The following NPAS3 variants were observed in gnomAD, a reference collection of about 807,000 sequenced individuals.
NPAS3 encodes the protein neuronal PAS domain protein 3, also known as neuronal PAS domain-containing protein 3.
Under a neutral mutation model 73.1 loss-of-function variants are expected in NPAS3, and 14 were observed. The observed-to-expected ratio is 0.19, with a 90% confidence interval of 0.13 to 0.30. The LOEUF (loss-of-function observed/expected upper bound fraction) is 0.30. Ranked by LOEUF, NPAS3 falls within the 10% of genes least tolerant of loss-of-function variation. The pLI, the probability that NPAS3 is intolerant of heterozygous loss-of-function variation, is 1.00. For synonymous variants in NPAS3, 620 were observed against 541.5 expected, an observed-to-expected ratio of 1.14 and a Z score of -2.01; for missense variants, 1,096 against 1,250.0, an observed-to-expected ratio of 0.88 and a Z score of 1.86.
At chr14:33,008,847 T>G (rs532663055) in intron 1 of NPAS3, among the ~76,000 whole-genome samples, 1 of 152,220 alleles carries the variant, frequency 6.6e-6, no homozygotes, top group South Asian at 2.1e-4. Flanking sequence ...GTCAGCAATT[T>G]ATGAGCCGTA....
intron 5 of NPAS3, among the ~76,000 whole-genome samples, chr14:33,658,313 CTT>C (rs2140262667): frequency 6.6e-6 from 1 of 152,312 alleles, no homozygotes; most frequent in Non-Finnish European, 1.5e-5. Flanking sequence ...CAAGAACAGA[CTT>C]TTGTTTCCCA....
At chr14:33,290,070 A>G (rs185030791) in intron 3 of NPAS3, among the ~76,000 whole-genome samples, 13 of 152,310 alleles carry the variant, frequency 8.5e-5, no homozygotes, top group Non-Finnish European at 1.6e-4. Context: ...CAGTCCCATC[A>G]GGAAAATGAT....
chr14:33,738,539 A>T (rs982211699), intron 7 of NPAS3, among the ~76,000 whole-genome samples: 5 of 152,118 alleles, frequency 3.3e-5, no homozygotes, highest in African/African-American at 1.2e-4. Flanking sequence ...GCCTACTCAC[A>T]TTCCCCATCA....
chr14:33,226,917 A>C (rs1347528514), intron 3 of NPAS3, among the ~76,000 whole-genome samples: 2 of 152,228 alleles, frequency 1.3e-5, no homozygotes, highest in Non-Finnish European at 2.9e-5. Context: ...GTTTTATATA[A>C]ATACTTTAAA....
rs558582643 is a variant in NPAS3 at position 33,641,942 on chromosome 14, C to G, written c.559-34269C>G. Among the ~76,000 whole-genome samples, 8 of 152,238 alleles carry G rather than the reference C, an allele frequency of 5.3e-5. No individual in the cohort carries two copies. In the East Asian group the frequency reaches 1.4e-3, roughly 26 times the overall value. ...AGTTTTTTACCCCAAGTAAATTTCT[C>G]ATTTGTTTTTTAGAGTTTGTGTTCA... On this transcript the variant is annotated intron_variant, in intron 5 of 11. Transcript: ENST00000356141.
intron 4 of NPAS3, among the ~76,000 whole-genome samples, chr14:33,488,781 A>G (rs2051741838): frequency 6.6e-6 from 1 of 152,196 alleles, no homozygotes; most frequent in Non-Finnish European, 1.5e-5. Context: ...CAGAGCTGGC[A>G]GAACTGGAGA....
intron 3 of NPAS3, among the ~76,000 whole-genome samples, chr14:33,247,111 T>G: frequency 6.6e-6 from 1 of 152,140 alleles, no homozygotes; most frequent in Admixed American, 6.5e-5. Flanking sequence ...GCAAACTTCC[T>G]TACATTCTAA....
At chr14:33,691,259 A>G (rs2060229184) in intron 6 of NPAS3, among the ~76,000 whole-genome samples, 1 of 152,218 alleles carries the variant, frequency 6.6e-6, no homozygotes, top group African/African-American at 2.4e-5. Flanking sequence ...ATATTGTGAA[A>G]TTGTGGGATG....
chr14:33,359,257 G>A (rs573596195), intron 3 of NPAS3, among the ~76,000 whole-genome samples: 2 of 152,310 alleles, frequency 1.3e-5, no homozygotes, highest in South Asian at 2.1e-4. Context: ...GTTCCCTGTC[G>A]TATCAGTGGC....
chr14:33,464,976 G>A (rs2050443026), intron 4 of NPAS3, among the ~76,000 whole-genome samples: 1 of 152,138 alleles, frequency 6.6e-6, no homozygotes, highest in Admixed American at 6.5e-5. Flanking sequence ...ATCATGCCAT[G>A]ATGATTATCT....
intron 4 of NPAS3, among the ~76,000 whole-genome samples, chr14:33,442,379 A>G (rs1476413783): frequency 6.6e-6 from 1 of 151,700 alleles, no homozygotes; most frequent in Non-Finnish European, 1.5e-5. Context: ...AGGGGTTGGA[A>G]TCCAGCCTGG....
chr14:33,550,185 GT>G (rs1436232402), intron 4 of NPAS3, among the ~76,000 whole-genome samples: 2 of 151,970 alleles, frequency 1.3e-5, no homozygotes, highest in Non-Finnish European at 2.9e-5. Flanking sequence ...GTTATTTGGG[GT>G]TTGTTTTGTT....
intron 1 of NPAS3, among the ~76,000 whole-genome samples, chr14:33,018,956 A>C (rs1489914306): frequency 6.6e-6 from 1 of 152,140 alleles, no homozygotes; most frequent in Non-Finnish European, 1.5e-5. Flanking sequence ...AACCTTTCAC[A>C]TGAAAAGCTA....
intron 2 of NPAS3, among the ~76,000 whole-genome samples, chr14:33,159,354 T>C (rs2044764986): frequency 6.6e-6 from 1 of 152,056 alleles, no homozygotes; most frequent in African/African-American, 2.4e-5. Context: ...TGAGGCATCT[T>C]GTAATTTGGG....
chr14:33,594,808 C>T (rs2057185268), intron 5 of NPAS3, among the ~76,000 whole-genome samples: 1 of 152,158 alleles, frequency 6.6e-6, no homozygotes, highest in Non-Finnish European at 1.5e-5. Context: ...TAATCATATT[C>T]TTCATCTCGT....
chr14:33,073,168 G>C (rs1376496564), intron 2 of NPAS3, among the ~76,000 whole-genome samples: 1 of 152,092 alleles, frequency 6.6e-6, no homozygotes, highest in Non-Finnish European at 1.5e-5. Context: ...ATTTGGTTTA[G>C]TTCAGGAACA....
chr14:33,137,008 G>C (rs918317140), intron 2 of NPAS3, among the ~76,000 whole-genome samples: 1 of 152,110 alleles, frequency 6.6e-6, no homozygotes, highest in Non-Finnish European at 1.5e-5. Context: ...AAAACTTCTT[G>C]GCTTTTTCTG....
chr14:33,307,443 C>T (rs560168563), intron 3 of NPAS3, among the ~76,000 whole-genome samples: 32 of 152,108 alleles, frequency 2.1e-4, no homozygotes, highest in African/African-American at 6.5e-4. Flanking sequence ...TCATTTTTCC[C>T]CCTTTGCAGA....
intron 2 of NPAS3, among the ~76,000 whole-genome samples, chr14:33,195,203 A>G (rs2046308051): frequency 6.6e-6 from 1 of 152,074 alleles, no homozygotes; most frequent in Admixed American, 6.5e-5. Flanking sequence ...AAGCTTTGCC[A>G]TCATTTGAAC....
Sources: allele counts gnomAD v4.1 joint callset (sites outside exome capture counted in the v4.1 genomes callset), GRCh38; gene constraint gnomAD v4.1.1; transcripts MANE v1.5; gene names NCBI Gene and HGNC (gene_info 2026-07-23, HGNC 2026-07-21).